Variants in RAPGEF6 observed in about 807,000 individuals in gnomAD.
RAPGEF6 encodes Rap guanine nucleotide exchange factor 6, also known as PDZ domain containing guanine nucleotide exchange factor (GEF) 2.
A neutral mutation model predicts 171.4 loss-of-function variants in RAPGEF6; 56 were observed. The ratio of observed to expected loss-of-function variants is 0.33; its 90% confidence interval spans 0.26 to 0.41. The LOEUF (loss-of-function observed/expected upper bound fraction) is 0.41. Ranked by LOEUF, RAPGEF6 falls within the 10% of genes least tolerant of loss-of-function variation. The pLI, the probability that RAPGEF6 is intolerant of heterozygous loss-of-function variation, is 1.00. For synonymous variants in RAPGEF6, 692 were observed against 650.1 expected, an observed-to-expected ratio of 1.06 and a Z score of -0.98; for missense variants, 1,674 against 1,921.4, an observed-to-expected ratio of 0.87 and a Z score of 2.41.
intron 1 of RAPGEF6, among the ~76,000 whole-genome samples, chr5:131,612,523 G>T (rs1465065452): frequency 6.6e-6 from 1 of 152,176 alleles, no homozygotes; most frequent in Non-Finnish European, 1.5e-5. Context: ...GTCAAGGAAT[G>T]TCTGTACTAC....
At chr5:131,470,555 A>G (rs1479205352) in intron 17 of RAPGEF6, among the ~76,000 whole-genome samples, 2 of 152,200 alleles carry the variant, frequency 1.3e-5, no homozygotes, top group African/African-American at 4.8e-5. Context: ...TAAAACTACA[A>G]ATCATAAGAT....
chr5:131,515,607 T>G (rs964811319), intron 7 of RAPGEF6, among the ~76,000 whole-genome samples: 2 of 152,006 alleles, frequency 1.3e-5, no homozygotes, highest in African/African-American at 4.8e-5. Context: ...TACAAGTAAC[T>G]ACCAAAAAAA....
chr5:131,509,157 ATAACAT>A (rs1034669459), intron 8 of RAPGEF6, among the ~76,000 whole-genome samples: 2 of 152,244 alleles, frequency 1.3e-5, no homozygotes, highest in African/African-American at 4.8e-5. Context: ...CATCTTAAAG[ATAACAT>A]TAACATCTTT....
intron 4 of RAPGEF6, among the ~76,000 whole-genome samples, chr5:131,590,227 C>G (rs2150001072): frequency 6.6e-6 from 1 of 152,240 alleles, no homozygotes; most frequent in East Asian, 1.9e-4. Context: ...TGGTGAAACC[C>G]TGTCTTTACT....
At chr5:131,581,315 A>T (rs1448329422) in intron 4 of RAPGEF6, among the ~76,000 whole-genome samples, 1 of 152,198 alleles carries the variant, frequency 6.6e-6, no homozygotes, top group Non-Finnish European at 1.5e-5. Flanking sequence ...CAGGCAACTA[A>T]TTACACTGGA....
intron 6 of RAPGEF6, among the ~76,000 whole-genome samples, chr5:131,527,041 T>A (rs1253770321): frequency 6.6e-6 from 1 of 152,132 alleles, no homozygotes; most frequent in Non-Finnish European, 1.5e-5. Context: ...ATAGACAATA[T>A]AGAGCTACTA....
At chr5:131,513,272 C>A (rs977556046) in intron 7 of RAPGEF6, among the ~76,000 whole-genome samples, 1 of 152,086 alleles carries the variant, frequency 6.6e-6, no homozygotes, top group African/African-American at 2.4e-5. Context: ...TGGGAAAAAA[C>A]CTAAAGCAGT....
At chr5:131,479,855 G>T in intron 15 of RAPGEF6, 102 bp from the exon 16 acceptor site, 1 of 1,253,002 alleles carries the variant, frequency 8.0e-7, no homozygotes, top group East Asian at 2.4e-5. Context: ...TCCATTATTT[G>T]AACTTTCTCA....
At chr5:131,537,293 G>A (rs1759836862) in intron 6 of RAPGEF6, among the ~76,000 whole-genome samples, 1 of 152,246 alleles carries the variant, frequency 6.6e-6, no homozygotes, top group East Asian at 1.9e-4. Flanking sequence ...ACCATTAAGG[G>A]AGGAAGAACT....
intron 7 of RAPGEF6, among the ~76,000 whole-genome samples, chr5:131,514,541 T>C (rs558384177): frequency 6.6e-6 from 1 of 152,204 alleles, no homozygotes; most frequent in South Asian, 2.1e-4. Context: ...TCGATAATGA[T>C]AGAGATAATG....
intron 9 of RAPGEF6, 108 bp downstream of exon 9, chr5:131,507,961 GTA>G: frequency 1.0e-6 from 1 of 997,630 alleles, no homozygotes; most frequent in Non-Finnish European, 1.4e-6. Context: ...TAAGAAATCT[GTA>G]TAAATTTCAA....
chr5:131,556,691 T>C lies in RAPGEF6; in HGVS notation c.351+5287A>G, dbSNP rs115789097. The stretch of plus-strand genomic sequence containing the variant: ...ATGGCTCCCCTAAAATTGCTCTTCT[T>C]TCTCAGGTTTCTTCTAGTTCTCCTT... On this transcript the variant is annotated intron_variant, in intron 5 of 27. Coordinates refer to ENST00000509018, the MANE Select transcript of RAPGEF6 (RefSeq NM_016340.6). 2.1e-3 allele frequency among the ~76,000 whole-genome samples: 316 copies of C among 152,324 alleles called. 1 individual carries two copies. The highest frequency in any genetic ancestry group is 7.5e-3 in the African/African-American group (310 of 41,568).
intron 16 of RAPGEF6, among the ~76,000 whole-genome samples, chr5:131,478,898 C>T (rs1755282915): frequency 6.6e-6 from 1 of 152,176 alleles, no homozygotes; most frequent in Non-Finnish European, 1.5e-5. Flanking sequence ...TGAGTGCCTA[C>T]TATGTGCTAA....
At chr5:131,539,689 G>A (rs894444489) in intron 6 of RAPGEF6, among the ~76,000 whole-genome samples, 1 of 152,146 alleles carries the variant, frequency 6.6e-6, no homozygotes, top group Non-Finnish European at 1.5e-5. Flanking sequence ...CCACAAAGTT[G>A]GTAAGTGATG....
intron 4 of RAPGEF6, among the ~76,000 whole-genome samples, chr5:131,571,005 C>A (rs1312485246): frequency 7.0e-6 from 1 of 143,834 alleles, no homozygotes; most frequent in South Asian, 2.2e-4. Context: ...AATGCAGTGG[C>A]GCAATCTCCA....
chr5:131,464,611 T>C (rs937294186), intron 17 of RAPGEF6, among the ~76,000 whole-genome samples: 4 of 152,200 alleles, frequency 2.6e-5, no homozygotes, highest in African/African-American at 9.6e-5. Context: ...GAAGACATAG[T>C]ACTCCATGAT....
chr5:131,481,537 A>G (rs1755483619), intron 15 of RAPGEF6, among the ~76,000 whole-genome samples: 1 of 152,160 alleles, frequency 6.6e-6, no homozygotes, highest in Non-Finnish European at 1.5e-5. Context: ...GGCCTCAGAT[A>G]TCTTTCTATC....
intron 11 of RAPGEF6, among the ~76,000 whole-genome samples, chr5:131,499,753 CCCAA>C (rs1756893947): frequency 6.6e-6 from 1 of 152,024 alleles, no homozygotes; most frequent in African/African-American, 2.4e-5. Context: ...ATCCATAACA[CCCAA>C]CCTTCAATTT....
intron 7 of RAPGEF6, among the ~76,000 whole-genome samples, chr5:131,519,219 C>T (rs1286797146): frequency 6.6e-6 from 1 of 152,186 alleles, no homozygotes; most frequent in East Asian, 1.9e-4. Context: ...AATATAAGTG[C>T]AATGCTCCTA....
Sources: gnomAD v4.1 joint callset for allele counts (sites outside exome capture counted in the v4.1 genomes callset) on GRCh38, gnomAD v4.1.1 for gene constraint, MANE v1.5 for transcripts, NCBI Gene and HGNC (gene_info 2026-07-23, HGNC 2026-07-21) for gene names.